CLNK: variants seen among roughly 807,000 people sequenced by gnomAD.
CLNK encodes cytokine dependent hematopoietic cell linker.
A neutral mutation model predicts 68.6 loss-of-function variants in CLNK; 74 were observed. The ratio of observed to expected loss-of-function variants is 1.08; its 90% confidence interval spans 0.89 to 1.31. The LOEUF is 1.31. CLNK is among the 50% of genes most tolerant of loss of function. The pLI is 0.00. For synonymous variants in CLNK, 198 were observed against 172.2 expected (o/e 1.15, Z -1.17); for missense variants, 553 against 515.3 (o/e 1.07, Z -0.71).
intron 4 of CLNK, among the ~76,000 whole-genome samples, chr4:10,583,191 T>C (rs1720845589): frequency 6.6e-6 from 1 of 152,228 alleles, no homozygotes; most frequent in Non-Finnish European, 1.5e-5. Context: ...TATTCTTTGG[T>C]AGACATTTGT....
intron 2 of CLNK, among the ~76,000 whole-genome samples, chr4:10,655,017 C>T (rs540869779): frequency 6.9e-6 from 1 of 145,176 alleles, no homozygotes; most frequent in Non-Finnish European, 1.5e-5. Flanking sequence ...AGGAGAATGG[C>T]GTGAATCCAG....
chr4:10,486,408 C>T lies in CLNK; in HGVS notation c.*4059G>A. The T allele has an allele frequency of 1.3e-5, 2 of 152,250 alleles. No individual in the cohort carries two copies. Among genetic ancestry groups the T allele is most frequent in the Middle Eastern group, 6.8e-3 (2 of 294 alleles). The allele number at this position is 152,250 out of a possible 1,614,324, so 9.4% of individuals were successfully genotyped here. A position where few individuals can be genotyped will look rare whatever the true frequency, so the allele number is the denominator to read the frequency against. On this transcript the variant is annotated 3_prime_UTR_variant, in exon 19 of 19. Coordinates refer to ENST00000226951, the MANE Select transcript of CLNK (RefSeq NM_052964.4). ...CAGAGAAAATTATAACATTCAATTA[C>T]ATATTTACTTTTATTTACATTAGTA...
intron 8 of CLNK, among the ~76,000 whole-genome samples, chr4:10,546,668 C>A (rs1056732126): frequency 6.6e-6 from 1 of 152,216 alleles, no homozygotes; most frequent in African/African-American, 2.4e-5. Flanking sequence ...GCCCATTACT[C>A]AGTTCCAAAG....
intron 11 of CLNK, among the ~76,000 whole-genome samples, chr4:10,538,949 T>TA (rs1487190757): frequency 6.6e-6 from 1 of 152,216 alleles, no homozygotes; most frequent in Non-Finnish European, 1.5e-5. Flanking sequence ...AATTGTTGGT[T>TA]AAAAATAGGT....
At chr4:10,705,516 A>G in the CLNK span, among the ~76,000 whole-genome samples, 1 of 152,020 alleles carries the variant, frequency 6.6e-6, no homozygotes, top group African/African-American at 2.4e-5. Context: ...TCTTTCTCCC[A>G]CTTCTAGAGG....
In CLNK at chr4:10,540,393, G is replaced by T. The variant is rs566099049; in HGVS notation, c.602+101C>A. Reference sequence around the variant, plus strand: ...GGACCAATACACTCCCCACCCATTAGGGAGCCTGCTCTGAAAGGTACTTTG... The same window carrying T: ...GGACCAATACACTCCCCACCCATTATGGAGCCTGCTCTGAAAGGTACTTTG... On this transcript the variant is annotated intron_variant, in intron 11 of 18. Coordinates refer to ENST00000226951, the MANE Select transcript of CLNK (RefSeq NM_052964.4). 1.0e-4 allele frequency: 85 copies of T among 818,056 alleles called. No individual in the cohort carries two copies. The East Asian group carries it at 1.4e-3, about 13-fold the overall frequency. 50.7% of individuals were successfully genotyped at this position (818,056 alleles called of 1,614,324 possible).
intron 15 of CLNK, among the ~76,000 whole-genome samples, 179 bp from the exon 16 acceptor site, chr4:10,513,776 C>A (rs901433369): frequency 9.2e-5 from 14 of 151,548 alleles, no homozygotes; most frequent in African/African-American, 3.1e-4. Flanking sequence ...CTACCTGTAG[C>A]TTTGCCCTTC....
chr4:10,497,849 C>A (rs1215306364), intron 18 of CLNK, among the ~76,000 whole-genome samples: 1 of 152,242 alleles, frequency 6.6e-6, no homozygotes, highest in Non-Finnish European at 1.5e-5. Flanking sequence ...ATGTCCACGT[C>A]CTCTATTCTC....
At chr4:10,526,025 T>G in intron 13 of CLNK, 103 bp from the exon 14 acceptor site, 5 of 664,992 alleles carry the variant, frequency 7.5e-6, no homozygotes, top group African/African-American at 1.8e-5. Context: ...AAGTAATCTC[T>G]GATTATTAGA....
At chr4:10,567,219 G>T (rs888152327) in intron 5 of CLNK, among the ~76,000 whole-genome samples, 3 of 151,880 alleles carry the variant, frequency 2.0e-5, no homozygotes, top group Non-Finnish European at 4.4e-5. Flanking sequence ...AGACAATGTG[G>T]TATTGGTAGT....
intron 2 of CLNK, among the ~76,000 whole-genome samples, chr4:10,641,765 T>C (rs1047438473): frequency 6.6e-6 from 1 of 152,216 alleles, no homozygotes; most frequent in African/African-American, 2.4e-5. Context: ...TCATCTTGAA[T>C]TGTAGCTCCC....
intron 18 of CLNK, among the ~76,000 whole-genome samples, chr4:10,492,907 C>T (rs1716642272): frequency 2.0e-5 from 3 of 152,230 alleles, no homozygotes. Context: ...TCTTTTCACA[C>T]CCAAAGAGTC....
chr4:10,602,632 C>T (rs1721630945), intron 2 of CLNK, among the ~76,000 whole-genome samples: 1 of 152,160 alleles, frequency 6.6e-6, no homozygotes, highest in African/African-American at 2.4e-5. Flanking sequence ...GACTCCAGAA[C>T]GGTGAGAGTA....
chr4:10,660,277 A>G (rs930668118), intron 2 of CLNK, among the ~76,000 whole-genome samples: 2 of 152,242 alleles, frequency 1.3e-5, no homozygotes, highest in Non-Finnish European at 2.9e-5. Flanking sequence ...GCAGTGGAAG[A>G]CCATAAAATA....
chr4:10,571,798 G>A lies in CLNK; in HGVS notation c.113-20C>T, dbSNP rs763965914. ...ACTGGCCTGCCAACACAAACAGACC[G>A]AGTGTTATTTTAATCACTGTGGTAG... On this transcript the variant is annotated intron_variant, in intron 4 of 18. Coordinates refer to ENST00000226951, the MANE Select transcript of CLNK (RefSeq NM_052964.4). 17 of 1,606,634 alleles carry A rather than the reference G, an allele frequency of 1.1e-5. No individual in the cohort carries two copies. The East Asian group carries it at 3.1e-4, about 30-fold the overall frequency.
rs539320536 is a variant in CLNK at position 10,508,205 on chromosome 4, T to A, written c.907-169A>T. On this transcript the variant is annotated intron_variant, in intron 16 of 18. Transcript: ENST00000226951. Reference sequence around the variant, plus strand: ...CCCTGAACTTGGAGAAGCCCACAGATGCTTGGGGCAGAGAGACAGAAAAAG... The same window carrying A: ...CCCTGAACTTGGAGAAGCCCACAGAAGCTTGGGGCAGAGAGACAGAAAAAG... Among the ~76,000 whole-genome samples the A allele has an allele frequency of 8.5e-5, 13 of 152,324 alleles. No homozygotes were observed. The East Asian group carries it at 2.5e-3, about 29-fold the overall frequency.
At chr4:10,670,815 T>G (rs972556149) in intron 1 of CLNK, among the ~76,000 whole-genome samples, 1 of 152,238 alleles carries the variant, frequency 6.6e-6, no homozygotes, top group African/African-American at 2.4e-5. Flanking sequence ...AATAGAGCTC[T>G]GTGCAGAGCC....
At position 10,525,826 on chromosome 4, in the gene CLNK, T is replaced by C; in HGVS notation, c.731+15A>G. ...CCTCAGCCTCAGACCTGAGAAAGGA[T>C]TCCTGGCTCCTTACCTGCTAATGGC... On this transcript the variant is annotated intron_variant, in intron 14 of 18. Coordinates refer to ENST00000226951, the MANE Select transcript of CLNK (RefSeq NM_052964.4). 1 of 1,531,500 alleles carries C rather than the reference T, an allele frequency of 6.5e-7. No individual in the cohort carries two copies. The highest frequency in any genetic ancestry group is 8.9e-7 in the Non-Finnish European group (1 of 1,120,282). The allele number at this position is 1,531,500 out of a possible 1,614,324, so 94.9% of individuals were successfully genotyped here.
At chr4:10,599,476 A>G (rs531447732) in intron 2 of CLNK, among the ~76,000 whole-genome samples, 5 of 152,284 alleles carry the variant, frequency 3.3e-5, no homozygotes, top group Admixed American at 6.5e-5. Flanking sequence ...ACTATTTCAC[A>G]TATTTCATTA....
Sources: allele counts gnomAD v4.1 joint callset (sites outside exome capture counted in the v4.1 genomes callset), GRCh38; gene constraint gnomAD v4.1.1; transcripts MANE v1.5; gene names NCBI Gene and HGNC (gene_info 2026-07-23, HGNC 2026-07-21).